FBXL17: variants seen among roughly 807,000 people sequenced by gnomAD.
FBXL17 encodes F-box/LRR-repeat protein 17.
Under a neutral mutation model 66.2 loss-of-function variants are expected in FBXL17, and 22 were observed. The observed-to-expected ratio is 0.33, with a 90% CI of 0.24 to 0.47. FBXL17 has a LOEUF of 0.47. Among genes scored for constraint, FBXL17 ranks in the 20% least tolerant of loss-of-function variants. FBXL17 has a pLI of 1.00. For missense variants in FBXL17, 878 were observed against 948.2 expected (o/e 0.93, Z 0.97); for synonymous variants, 474 against 400.5 (o/e 1.18, Z -2.19).
intron 7 of FBXL17, among the ~76,000 whole-genome samples, chr5:108,003,994 T>A (rs1753834611): frequency 2.0e-5 from 3 of 151,986 alleles, no homozygotes. Flanking sequence ...CTGAACGTGA[T>A]AAATAAAAAG....
At chr5:108,070,905 T>C (rs183204933) in intron 6 of FBXL17, among the ~76,000 whole-genome samples, 2 of 152,194 alleles carry the variant, frequency 1.3e-5, no homozygotes, top group Admixed American at 1.3e-4. Flanking sequence ...AGAAACTCTT[T>C]GGTGTAAAAG....
chr5:108,340,558 C>T (rs748502237), intron 4 of FBXL17, among the ~76,000 whole-genome samples: 5 of 151,952 alleles, frequency 3.3e-5, no homozygotes, highest in Admixed American at 2.0e-4. Flanking sequence ...ACAATTATGC[C>T]AAAAAATACC....
chr5:107,895,550 A>G (rs932063033), intron 7 of FBXL17, among the ~76,000 whole-genome samples: 4 of 152,128 alleles, frequency 2.6e-5, no homozygotes, highest in African/African-American at 9.7e-5. Flanking sequence ...TTATAGATTC[A>G]AAACCCTTTA....
intron 8 of FBXL17, among the ~76,000 whole-genome samples, chr5:107,871,382 T>G (rs1748448793): frequency 6.6e-6 from 1 of 152,200 alleles, no homozygotes; most frequent in Admixed American, 6.5e-5. Flanking sequence ...CCTGCAGTGT[T>G]AAGTGAGAAT....
At chr5:108,160,868 T>C (rs986206644) in intron 6 of FBXL17, among the ~76,000 whole-genome samples, 3 of 152,106 alleles carry the variant, frequency 2.0e-5, no homozygotes, top group African/African-American at 7.2e-5. Flanking sequence ...AAGGGCCTTA[T>C]TGGAAAGTTA....
intron 6 of FBXL17, among the ~76,000 whole-genome samples, chr5:108,158,110 G>A (rs1752064736): frequency 6.6e-6 from 1 of 152,084 alleles, no homozygotes; most frequent in Admixed American, 6.5e-5. Context: ...CTTATTTTCA[G>A]ATGATGTAAC....
At chr5:107,991,399 T>C (rs1753241822) in intron 7 of FBXL17, among the ~76,000 whole-genome samples, 1 of 152,172 alleles carries the variant, frequency 6.6e-6, no homozygotes, top group Non-Finnish European at 1.5e-5. Flanking sequence ...GGGGTGGGGT[T>C]GAGGTGGGAA....
intron 7 of FBXL17, among the ~76,000 whole-genome samples, chr5:107,967,686 A>C (rs985474266): frequency 1.3e-5 from 2 of 152,132 alleles, no homozygotes; most frequent in African/African-American, 4.8e-5. Flanking sequence ...ATAATAAAAA[A>C]AAAAGAATAG....
At chr5:108,321,104 T>C (rs1759598178) in intron 4 of FBXL17, among the ~76,000 whole-genome samples, 1 of 151,586 alleles carries the variant, frequency 6.6e-6, no homozygotes, top group South Asian at 2.1e-4. Context: ...CTGATAATTT[T>C]CACATCCAAT....
At chr5:108,303,796 C>T (rs1363134329) in intron 4 of FBXL17, among the ~76,000 whole-genome samples, 1 of 151,886 alleles carries the variant, frequency 6.6e-6, no homozygotes, top group Non-Finnish European at 1.5e-5. Flanking sequence ...TTTTCAGAGA[C>T]TACATGACCT....
At chr5:107,925,790 C>G (rs979114191) in intron 7 of FBXL17, among the ~76,000 whole-genome samples, 1 of 152,108 alleles carries the variant, frequency 6.6e-6, no homozygotes, top group Non-Finnish European at 1.5e-5. Flanking sequence ...CTGAGATAAC[C>G]TCTTAAATAA....
At chr5:108,262,230 C>A (rs1251316546) in intron 4 of FBXL17, among the ~76,000 whole-genome samples, 1 of 151,892 alleles carries the variant, frequency 6.6e-6, no homozygotes, top group African/African-American at 2.4e-5. Context: ...GTGCCCACCA[C>A]CACGCCCAGC....
At chr5:108,373,873 G>A (rs571657994) in intron 1 of FBXL17, among the ~76,000 whole-genome samples, 10 of 152,224 alleles carry the variant, frequency 6.6e-5, no homozygotes, top group African/African-American at 1.2e-4. Flanking sequence ...AGTTGTGATC[G>A]TGCCACTGCA....
intron 7 of FBXL17, among the ~76,000 whole-genome samples, chr5:107,898,628 A>C (rs1048292573): frequency 1.3e-5 from 2 of 151,756 alleles, no homozygotes; most frequent in Non-Finnish European, 2.9e-5. Flanking sequence ...CCTAGCCTCC[A>C]CCTCGCAACA....
chr5:108,380,434 T>A (rs969918858), intron 1 of FBXL17, among the ~76,000 whole-genome samples: 4 of 152,308 alleles, frequency 2.6e-5, no homozygotes, highest in South Asian at 2.1e-4. Flanking sequence ...ACCACTGGGT[T>A]GGGATTCTAA....
At chr5:108,090,919 T>TATAAAAC in intron 6 of FBXL17, among the ~76,000 whole-genome samples, 1 of 152,078 alleles carries the variant, frequency 6.6e-6, no homozygotes, top group African/African-American at 2.4e-5. Flanking sequence ...TAAACATGAA[T>TATAAAAC]ACATAGTCAC....
At chr5:107,885,732 C>T (rs1323197822) in intron 7 of FBXL17, among the ~76,000 whole-genome samples, 1 of 151,982 alleles carries the variant, frequency 6.6e-6, no homozygotes, top group African/African-American at 2.4e-5. Context: ...ACATATTAAT[C>T]TGCTCATCTG....
At chr5:108,070,477 C>T (rs1748285972) in intron 6 of FBXL17, among the ~76,000 whole-genome samples, 1 of 152,212 alleles carries the variant, frequency 6.6e-6, no homozygotes, top group South Asian at 2.1e-4. Flanking sequence ...AAGTCCCCAA[C>T]AGGGTTTACT....
At chr5:107,894,545 C>T (rs1237599683) in intron 7 of FBXL17, among the ~76,000 whole-genome samples, 2 of 151,974 alleles carry the variant, frequency 1.3e-5, no homozygotes, top group Non-Finnish European at 2.9e-5. Context: ...TTCTTCAGGC[C>T]GGGGGTAGGC....
Sources: gnomAD v4.1 joint callset for allele counts (sites outside exome capture counted in the v4.1 genomes callset) on GRCh38, gnomAD v4.1.1 for gene constraint, MANE v1.5 for transcripts, NCBI Gene and HGNC (gene_info 2026-07-23, HGNC 2026-07-21) for gene names.